The following TJP2 variants were observed in gnomAD, a reference collection of about 807,000 sequenced individuals.
TJP2 encodes Friedreich ataxia region gene X104 (tight junction protein ZO-2).
TJP2 carries 91 observed loss-of-function variants against 133.1 expected under a neutral mutation model. The ratio of observed to expected loss-of-function variants is 0.68; its 90% CI spans 0.58 to 0.81. The LOEUF is 0.81. Among genes scored for constraint, TJP2 ranks in the 40% least tolerant of loss-of-function variants. TJP2 has a pLI of 0.00. For synonymous variants in TJP2, 592 were observed against 583.4 expected (o/e 1.01, Z -0.21); for missense variants, 1,541 against 1,565.6 (o/e 0.98, Z 0.26).
At chr9:69,238,849 G>A in intron 16 of TJP2, 60 bp downstream of exon 16, 2 of 1,362,518 alleles carry the variant, frequency 1.5e-6, no homozygotes, top group South Asian at 1.2e-5. Context: ...GTTTGCTGCA[G>A]TCACTTTTAG....
At chr9:69,171,899 G>A (rs558678060), upstream of TJP2, among the ~76,000 whole-genome samples, 3 of 144,540 alleles carry the variant, frequency 2.1e-5, no homozygotes, top group Admixed American at 7.3e-5. Context: ...GGGTTCAAGC[G>A]ATTCTCCTGC....
At chr9:69,237,690 G>GA (rs1279224202) in intron 14 of TJP2, among the ~76,000 whole-genome samples, 188 bp from the exon 15 acceptor site, 1 of 151,992 alleles carries the variant, frequency 6.6e-6, no homozygotes, top group Non-Finnish European at 1.5e-5. Flanking sequence ...TGAATGAAAA[G>GA]AAAAAAATTG....
At chr9:69,229,148 C>A in intron 9 of TJP2, 36 bp from the exon 10 acceptor site, 1 of 1,596,998 alleles carries the variant, frequency 6.3e-7, no homozygotes. Flanking sequence ...TCTTGTTAGT[C>A]CAGATTGATA....
intron 1 of TJP2, among the ~76,000 whole-genome samples, chr9:69,198,314 T>G (rs2993821): frequency 0.93 from 141,225 of 152,086 alleles, 65,568 homozygotes; most frequent in Middle Eastern, 0.95. Flanking sequence ...GCGAATTTTT[T>G]TATTTTCAGT....
In TJP2 at chr9:69,174,348, C is replaced by G. The variant is rs529115675; in HGVS notation, c.-25C>G. 1.7e-5 allele frequency: 26 copies of G among 1,551,274 alleles called. No homozygotes were observed. The East Asian group carries it at 2.2e-4, about 13-fold the overall frequency. On this transcript the variant is annotated 5_prime_UTR_variant, in exon 1 of 23. Coordinates refer to ENST00000377245, the MANE Select transcript of TJP2 (RefSeq NM_004817.4). ...AGCAGAAGCGGGGTCCGGAGCTGCG[C>G]GCCTACGCGGGACCTGTGTCCGAAA...
intron 1 of TJP2, among the ~76,000 whole-genome samples, chr9:69,202,072 T>C (rs1412634314): frequency 1.3e-5 from 2 of 152,214 alleles, no homozygotes; most frequent in African/African-American, 4.8e-5. Flanking sequence ...AGTCAATTCC[T>C]ACTCCTGTAA....
In TJP2 at chr9:69,237,915, A is replaced by T. The variant is rs1830309559; in HGVS notation, c.2217A>T (p.Ile739=). 8.7e-6 allele frequency: 14 copies of T among 1,614,006 alleles called. No individual in the cohort carries two copies. Among genetic ancestry groups the T allele is most frequent in the Non-Finnish European group, 1.2e-5 (14 of 1,179,934 alleles). The part of the protein sequence containing the change: ...FKRPVVLFGP[I]ADIAMEKLAN... ...GACCTGTGGTCTTATTCGGCCCCAT[A>T]GCTGATATAGCAATGGAAAAATTGG... Residue 739 remains isoleucine (I), a synonymous_variant, in exon 15 of 23, where the codon ATA becomes ATT. Coordinates refer to ENST00000377245, the MANE Select transcript of TJP2 (RefSeq NM_004817.4).
rs1349953668 is a variant in TJP2 at position 69,151,757 on chromosome 9, G to A, written c.-24G>A. 27 of 1,231,946 alleles carry A rather than the reference G, an allele frequency of 2.2e-5. No individual in the cohort carries two copies. The East Asian group carries it at 7.3e-4, about 33-fold the overall frequency. 76.3% of individuals were successfully genotyped at this position (1,231,946 alleles called of 1,614,324 possible). ...GAAGCACAGAGCTGTACCAGTACACGGCCCACGTTGCCAGGTATTTGCTTA... is the reference window on the plus strand; with the variant it reads ...GAAGCACAGAGCTGTACCAGTACACAGCCCACGTTGCCAGGTATTTGCTTA... On this transcript the variant is annotated 5_prime_UTR_variant, in exon 2 of 6. Transcript: ENST00000423935.
intron 1 of TJP2, among the ~76,000 whole-genome samples, chr9:69,210,066 C>G (rs1223582445): frequency 6.6e-6 from 1 of 151,968 alleles, no homozygotes; most frequent in Non-Finnish European, 1.5e-5. Context: ...GCAGGCGGAC[C>G]ATTTGAGGTC....
At chr9:69,226,806 C>T (rs1042946342) in intron 7 of TJP2, among the ~76,000 whole-genome samples, 1 of 152,192 alleles carries the variant, frequency 6.6e-6, no homozygotes, top group Non-Finnish European at 1.5e-5. Flanking sequence ...CTTAATTGCT[C>T]ATTCTTTAAA....
chr9:69,130,270 T>C (rs1822436352), intron 1 of TJP2, among the ~76,000 whole-genome samples: 1 of 152,142 alleles, frequency 6.6e-6, no homozygotes, highest in Admixed American at 6.5e-5. Context: ...TTGGATCTTG[T>C]ATTATGGGGA....
At position 69,214,910 on chromosome 9, in the gene TJP2, G is replaced by C. The variant is rs1205237821; in HGVS notation, c.115-1429G>C. Among the ~76,000 whole-genome samples, 3 of 150,688 alleles carry C rather than the reference G, an allele frequency of 2.0e-5. No individual in the cohort carries two copies. The East Asian group carries it at 5.8e-4, about 29-fold the overall frequency. The stretch of plus-strand genomic sequence containing the variant: ...CAAATCCATTTACTTCTTTTTCACT[G>C]TATGTTGAAATGAAACTACCAACAC... On this transcript the variant is annotated intron_variant, in intron 2 of 22. Transcript: ENST00000377245.
intron 1 of TJP2, among the ~76,000 whole-genome samples, chr9:69,189,221 A>G (rs1826051311): frequency 6.6e-6 from 1 of 152,208 alleles, no homozygotes; most frequent in Non-Finnish European, 1.5e-5. Context: ...GCCTCGGGAC[A>G]GCCTGGAGGA....
chr9:69,209,863 A>G (rs1019048970), intron 1 of TJP2, among the ~76,000 whole-genome samples: 1 of 152,354 alleles, frequency 6.6e-6, no homozygotes, highest in Non-Finnish European at 1.5e-5. Flanking sequence ...CACATGCAGA[A>G]TTCCAGAGAG....
At chr9:69,253,197 C>T (rs1588166764) in intron 22 of TJP2, 1 of 441,326 alleles carries the variant, frequency 2.3e-6, no homozygotes, top group Non-Finnish European at 4.2e-6. Context: ...AGCACATGAG[C>T]AGAATTCCTA....
upstream of TJP2, among the ~76,000 whole-genome samples, chr9:69,169,376 G>C (rs1240785784): frequency 6.7e-6 from 1 of 149,832 alleles, no homozygotes; most frequent in Non-Finnish European, 1.5e-5. Context: ...TTTTGGGGGG[G>C]GGATGGAGTT....
At chr9:69,223,069 G>GAAAAAAAAAAAAAAAA in intron 5 of TJP2, among the ~76,000 whole-genome samples, 1 of 114,116 alleles carries the variant, frequency 8.8e-6, no homozygotes, top group Non-Finnish European at 1.7e-5. Flanking sequence ...ACTCTGTCTT[G>GAAAAAAAAAAAAAAAA]AAAAAAAAAA....
chr9:69,247,832 G>T (rs367811890), intron 18 of TJP2, among the ~76,000 whole-genome samples, 180 bp from the exon 19 acceptor site: 8 of 152,240 alleles, frequency 5.3e-5, no homozygotes, highest in East Asian at 3.9e-4. Context: ...GCACAAAAAC[G>T]ACCATAATAT....
intron 1 of TJP2, among the ~76,000 whole-genome samples, chr9:69,187,520 C>G (rs1205973733): frequency 6.6e-6 from 1 of 152,194 alleles, no homozygotes; most frequent in African/African-American, 2.4e-5. Flanking sequence ...TATCTTTCAG[C>G]AACATAAGCA....
Sources: allele counts gnomAD v4.1 joint callset (sites outside exome capture counted in the v4.1 genomes callset), GRCh38; gene constraint gnomAD v4.1.1; transcripts MANE v1.5; gene names NCBI Gene and HGNC (gene_info 2026-07-23, HGNC 2026-07-21).